The following LRP1B variants were observed in gnomAD, a reference collection of about 807,000 sequenced individuals.
LRP1B encodes the protein LDL receptor related protein 1B.
In LRP1B, 217 loss-of-function variants were observed where a neutral mutation model predicts 556.6. The observed-to-expected ratio is 0.39, with a 90% CI of 0.35 to 0.44. The LOEUF is 0.44. Among genes scored for constraint, LRP1B ranks in the 20% least tolerant of loss-of-function variants. LRP1B has a pLI of 1.00. For synonymous variants in LRP1B, 2,047 were observed against 1,865.8 expected (o/e 1.10, Z -2.50); for missense variants, 5,053 against 5,620.8 (o/e 0.90, Z 3.23).
At chr2:141,397,613 G>C (rs1573899678) in intron 3 of LRP1B, among the ~76,000 whole-genome samples, 1 of 151,754 alleles carries the variant, frequency 6.6e-6, no homozygotes, top group East Asian at 1.9e-4. Flanking sequence ...GGCACACCTG[G>C]ATTTTTTATT....
At chr2:141,595,664 A>C (rs1687490626) in intron 2 of LRP1B, among the ~76,000 whole-genome samples, 1 of 152,094 alleles carries the variant, frequency 6.6e-6, no homozygotes, top group Non-Finnish European at 1.5e-5. Flanking sequence ...CACATCTTTC[A>C]TCAATTTCTC....
intron 78 of LRP1B, among the ~76,000 whole-genome samples, 168 bp from the exon 79 acceptor site, chr2:140,334,727 G>T (rs1415119540): frequency 6.6e-6 from 1 of 151,924 alleles, no homozygotes; most frequent in Admixed American, 6.6e-5. Flanking sequence ...TAAATGGCCT[G>T]GGGAATCAAC....
chr2:140,650,046 A>G (rs983555165), intron 41 of LRP1B, among the ~76,000 whole-genome samples: 9 of 152,120 alleles, frequency 5.9e-5, no homozygotes, highest in Non-Finnish European at 1.3e-4. Context: ...TTTTATATTC[A>G]ACTTCTGATC....
chr2:141,533,359 T>C (rs1170118974), intron 2 of LRP1B, among the ~76,000 whole-genome samples: 1 of 151,978 alleles, frequency 6.6e-6, no homozygotes, highest in Non-Finnish European at 1.5e-5. Context: ...ATCAGCCTTC[T>C]CCGTGTTCTT....
At position 140,358,914 on chromosome 2, in the gene LRP1B, T is replaced by C; in HGVS notation, c.11164A>G (p.Arg3722Gly). The change falls in exon 73 of 91, where the codon AGA becomes GGA. Residue 3722 changes from arginine (R) to glycine (G), a missense_variant. Physicochemically the swap from Arg to Gly is moderately radical, Grantham distance 125 (BLOSUM62 -2). Coordinates refer to ENST00000389484, the MANE Select transcript of LRP1B (RefSeq NM_018557.3). The part of the protein sequence containing the change: ...KFLCPSTRPH[R>G]CRNNRICLQS... ...AGGCATATTCTGTTATTTCTGCATC[T>C]GTGAGGTCTCGTGGATGGACAAAGA... 6.2e-6 allele frequency: 10 copies of C among 1,608,632 alleles called. No homozygotes were observed. The highest frequency in any genetic ancestry group is 8.5e-6 in the Non-Finnish European group (10 of 1,176,020).
At chr2:141,017,892 A>G (rs918215384) in intron 12 of LRP1B, among the ~76,000 whole-genome samples, 2 of 151,728 alleles carry the variant, frequency 1.3e-5, no homozygotes, top group African/African-American at 4.8e-5. Flanking sequence ...AGCTAGTCTC[A>G]AAGCTGAGGT....
chr2:141,334,886 A>G (rs973507055), intron 3 of LRP1B, among the ~76,000 whole-genome samples: 3 of 152,266 alleles, frequency 2.0e-5, no homozygotes, highest in Admixed American at 2.0e-4. Context: ...GACAGAAAGA[A>G]ATCAAGCTTA....
chr2:140,338,709 A>G (rs1364853295), intron 77 of LRP1B, among the ~76,000 whole-genome samples: 1 of 151,698 alleles, frequency 6.6e-6, no homozygotes, highest in Non-Finnish European at 1.5e-5. Flanking sequence ...AGGTAAACAC[A>G]AAAAAATGGA....
intron 1 of LRP1B, among the ~76,000 whole-genome samples, chr2:142,012,393 T>G (rs1268909645): frequency 6.6e-6 from 1 of 152,182 alleles, no homozygotes; most frequent in Non-Finnish European, 1.5e-5. Flanking sequence ...AAATTTATTC[T>G]TCACTTAGGG....
intron 3 of LRP1B, chr2:141,286,760 A>G (rs1000385096): frequency 4.5e-6 from 2 of 441,936 alleles, no homozygotes; most frequent in Admixed American, 4.8e-5. Context: ...TACATTGTAC[A>G]TTTGTACTTG....
At chr2:140,680,112 C>T (rs1351940046) in intron 41 of LRP1B, among the ~76,000 whole-genome samples, 2 of 152,048 alleles carry the variant, frequency 1.3e-5, no homozygotes, top group Non-Finnish European at 1.5e-5. Flanking sequence ...ACATACACCT[C>T]GTTCCAGGGC....
chr2:140,503,399 A>G (rs532671726), intron 53 of LRP1B, among the ~76,000 whole-genome samples: 68 of 152,212 alleles, frequency 4.5e-4, no homozygotes, highest in African/African-American at 1.2e-3. Context: ...CTAGATCATA[A>G]TATCTCTTAG....
Position 141,843,816 on chromosome 2 carries a change from T to C in LRP1B, c.83-33415A>G, listed in dbSNP as rs568373606. Among the ~76,000 whole-genome samples the C allele has an allele frequency of 3.9e-5, 6 of 152,238 alleles. No homozygotes were observed. In the South Asian group the frequency reaches 1.2e-3, roughly 32 times the overall value. ...GCAGCAAATTTCTACATCCTTTTAA[T>C]CACTGGCCTCCTTGCTGAGGCAGTC... On this transcript the variant is annotated intron_variant, in intron 1 of 90. Coordinates refer to ENST00000389484, the MANE Select transcript of LRP1B (RefSeq NM_018557.3).
At chr2:140,608,458 CAA>C (rs1682949831) in intron 41 of LRP1B, among the ~76,000 whole-genome samples, 2 of 152,316 alleles carry the variant, frequency 1.3e-5, no homozygotes, top group African/African-American at 4.8e-5. Flanking sequence ...ACCCCTCTAA[CAA>C]GAAGAGATCC....
intron 5 of LRP1B, 112 bp from the exon 6 acceptor site, chr2:141,229,552 A>C: frequency 1.2e-6 from 1 of 814,262 alleles, no homozygotes; most frequent in Non-Finnish European, 1.9e-6. Context: ...TTCATAACAA[A>C]AATTTTCTTA....
At chr2:141,418,551 G>A (rs1680014792) in intron 3 of LRP1B, among the ~76,000 whole-genome samples, 1 of 151,788 alleles carries the variant, frequency 6.6e-6, no homozygotes. Context: ...GTATGTGTGG[G>A]TTTATTTCTG....
intron 7 of LRP1B, among the ~76,000 whole-genome samples, chr2:141,174,144 AC>A (rs1255292148): frequency 2.6e-5 from 4 of 152,154 alleles, no homozygotes; most frequent in Non-Finnish European, 4.4e-5. Context: ...AATCTGGAAA[AC>A]AAGATATTCT....
rs371798298 is a variant in LRP1B, at chr2:140,748,788, TATATTATATAC to T, written c.5758+20414_5758+20424del. ...ACATGTATATAATATGTATATAATA[TATATTATATAC>T]ATATTATATACATGTATATAATATA... On this transcript the variant is annotated intron_variant, in intron 35 of 90. Coordinates refer to ENST00000389484, the MANE Select transcript of LRP1B (RefSeq NM_018557.3). 1.1e-4 allele frequency among the ~76,000 whole-genome samples: 5 copies of T among 46,830 alleles called. 1 individual carries two copies. Among genetic ancestry groups the T allele is most frequent in the East Asian group, 6.9e-4 (1 of 1,458 alleles). 30.7% of individuals were successfully genotyped at this position (46,830 alleles called of 152,430 possible). A position where few individuals can be genotyped will look rare whatever the true frequency, so the allele number is the denominator to read the frequency against.
chr2:141,593,001 A>G (rs1054848770), intron 2 of LRP1B, among the ~76,000 whole-genome samples: 2 of 152,174 alleles, frequency 1.3e-5, no homozygotes, highest in South Asian at 2.1e-4. Flanking sequence ...GAAATGTACA[A>G]TGTCAATTCA....
Sources: allele counts gnomAD v4.1 joint callset (sites outside exome capture counted in the v4.1 genomes callset), GRCh38; gene constraint gnomAD v4.1.1; transcripts MANE v1.5; gene names NCBI Gene and HGNC (gene_info 2026-07-23, HGNC 2026-07-21).